Variants in NIPBL observed in about 807,000 individuals in gnomAD.
NIPBL encodes the protein nipped-B-like protein.
NIPBL carries 19 observed loss-of-function variants against 321.8 expected under a neutral mutation model. The ratio of observed to expected loss-of-function variants is 0.06; its 90% CI spans 0.04 to 0.09. The LOEUF (loss-of-function observed/expected upper bound fraction) is 0.09, where lower values mean the gene tolerates loss of function less well. Ranked by LOEUF, NIPBL falls within the 10% of genes least tolerant of loss-of-function variation. The pLI, the probability that NIPBL is intolerant of heterozygous loss-of-function variation, is 1.00. For synonymous variants in NIPBL, 1,106 were observed against 1,114.1 expected (o/e 0.99, Z 0.14); for missense variants, 2,210 against 3,327.0 (o/e 0.66, Z 8.26).
chr5:37,006,569 C>T lies in NIPBL; in HGVS notation c.4068C>T (p.Tyr1356=), dbSNP rs979590161. The part of the protein sequence containing the change: ...NTLYPQYDPV[Y]RLDPHGGGLL... ...TTTATCCTCAGTATGATCCTGTTTA[C>T]AGATTAGATCCTCATGGAGGTTAGT... is the stretch of plus-strand genomic sequence containing the variant. The change falls in exon 17 of 47, where the codon TAC becomes TAT. Residue 1356 remains tyrosine (Y), a synonymous_variant. Transcript: ENST00000282516. The T allele has an allele frequency of 6.2e-7, 1 of 1,602,854 alleles. No homozygotes were observed. The highest frequency in any genetic ancestry group is 1.3e-5 in the African/African-American group (1 of 74,610).
At chr5:37,028,837 G>C (rs1393732247) in intron 32 of NIPBL, among the ~76,000 whole-genome samples, 1 of 152,144 alleles carries the variant, frequency 6.6e-6, no homozygotes, top group Non-Finnish European at 1.5e-5. Flanking sequence ...TTGGTTTGCA[G>C]TTGCTTTGGT....
rs1404645410 is a variant in NIPBL at position 36,955,454 on chromosome 5, T to G, written c.65-18T>G. On this transcript the variant is annotated intron_variant, in intron 2 of 46. Transcript: ENST00000282516. ...TATAGTCACTCAATTTCTAATAATC[T>G]GATTTTATTCCAAATAGTCCTGAAC... 6.2e-7 allele frequency: 1 copy of G among 1,607,442 alleles called. No homozygotes were observed. Among genetic ancestry groups the G allele is most frequent in the African/African-American group, 1.3e-5 (1 of 74,794 alleles).
At chr5:37,000,739 GA>G in intron 12 of NIPBL, 77 bp from the exon 13 acceptor site, 2 of 1,392,448 alleles carry the variant, frequency 1.4e-6, no homozygotes, top group Non-Finnish European at 2.0e-6. Flanking sequence ...TAACGTTCAG[GA>G]AAAAAACTAG....
At chr5:37,035,236 A>T (rs1358413988) in intron 32 of NIPBL, among the ~76,000 whole-genome samples, 1 of 152,224 alleles carries the variant, frequency 6.6e-6, no homozygotes, top group Admixed American at 6.5e-5. Flanking sequence ...GTGCCACTGC[A>T]CTCCAGCCTG....
intron 34 of NIPBL, among the ~76,000 whole-genome samples, chr5:37,043,561 G>C (rs1341915995): frequency 6.6e-6 from 1 of 151,682 alleles, no homozygotes; most frequent in East Asian, 1.9e-4. Flanking sequence ...AATTAACCGG[G>C]TGTGGTATTA....
chr5:36,987,859 T>C (rs1175834382), intron 10 of NIPBL, among the ~76,000 whole-genome samples: 1 of 152,206 alleles, frequency 6.6e-6, no homozygotes, highest in Non-Finnish European at 1.5e-5. Flanking sequence ...AAAGAGGTTG[T>C]AGAATGTGGG....
At chr5:37,006,242 A>T in intron 16 of NIPBL, 115 bp from the exon 17 acceptor site, 1 of 698,930 alleles carries the variant, frequency 1.4e-6, no homozygotes, top group East Asian at 2.7e-5. Flanking sequence ...TTCTTAAAAG[A>T]ATTAACACAC....
At chr5:37,014,605 C>A in intron 21 of NIPBL, 78 bp from the exon 22 acceptor site, 6 of 845,186 alleles carry the variant, frequency 7.1e-6, no homozygotes, top group Middle Eastern at 2.4e-4. Flanking sequence ...TACCCCTCTT[C>A]AGTAATAACA....
chr5:36,969,820 C>A (rs2149618113), intron 6 of NIPBL, among the ~76,000 whole-genome samples: 1 of 152,258 alleles, frequency 6.6e-6, no homozygotes, highest in South Asian at 2.1e-4. Flanking sequence ...GGATATAGAA[C>A]AGTGGGAACT....
At position 37,045,125 on chromosome 5, in the gene NIPBL, G is replaced by T. The variant is rs185737095; in HGVS notation, c.6344-318G>T. Among the ~76,000 whole-genome samples, 878 of 152,312 alleles carry T rather than the reference G, an allele frequency of 5.8e-3. 4 individuals carry two copies. The highest frequency in any genetic ancestry group is 0.015 in the South Asian group (72 of 4,824). On this transcript the variant is annotated intron_variant, in intron 36 of 46. Transcript: ENST00000282516. Reference sequence around the variant, plus strand: ...CCAGCACTTTGGGAGGCCACGGCGGGTGGATTACCTGAGGTCGGGAGTTCG... The same window carrying T: ...CCAGCACTTTGGGAGGCCACGGCGGTTGGATTACCTGAGGTCGGGAGTTCG...
intron 43 of NIPBL, among the ~76,000 whole-genome samples, chr5:37,057,726 A>G (rs1222664533): frequency 6.6e-6 from 1 of 152,212 alleles, no homozygotes; most frequent in East Asian, 1.9e-4. Flanking sequence ...TAAACAGAAA[A>G]TTTATGACAC....
intron 1 of NIPBL, among the ~76,000 whole-genome samples, chr5:36,944,352 T>C (rs1333623607): frequency 1.3e-5 from 2 of 152,146 alleles, no homozygotes; most frequent in Non-Finnish European, 2.9e-5. Context: ...TTTTCTTGAT[T>C]GCTCTTTCAT....
intron 6 of NIPBL, among the ~76,000 whole-genome samples, chr5:36,963,762 C>G (rs1741895103): frequency 1.3e-5 from 2 of 152,082 alleles, no homozygotes; most frequent in Admixed American, 1.3e-4. Context: ...GCAGTCCAGC[C>G]TGGGTGACAG....
At chr5:36,999,019 T>G (rs1280356846) in intron 11 of NIPBL, among the ~76,000 whole-genome samples, 1 of 152,164 alleles carries the variant, frequency 6.6e-6, no homozygotes, top group Non-Finnish European at 1.5e-5. Context: ...CAAAATGACC[T>G]TTTCCTGCCA....
intron 36 of NIPBL, 122 bp from the exon 37 acceptor site, chr5:37,045,321 T>G (rs904797932): frequency 8.4e-6 from 6 of 710,704 alleles, no homozygotes; most frequent in Non-Finnish European, 1.2e-5. Flanking sequence ...GTCACTGCAC[T>G]CCAGCCTGGG....
chr5:37,058,936 A>G lies in NIPBL; in HGVS notation c.7456A>G (p.Lys2486Glu). The change falls in exon 44 of 47, where the codon AAG (lysine) becomes GAG (glutamate). Residue 2486 changes from lysine (K) to glutamate (E), a missense_variant. Lys to Glu is a moderately conservative substitution (Grantham distance 56). Transcript: ENST00000282516. ...GAAAGAGAGAAAATCATCACCTAGT[A>G]AGGAAAATGAGTCAAGCGACAGTGA... ...KRKERKSSPS[K>E]ENESSDSEEE... is the part of the protein sequence containing the mutation. The G allele has an allele frequency of 6.2e-7, 1 of 1,614,162 alleles. No homozygotes were observed. Among genetic ancestry groups the G allele is most frequent in the Non-Finnish European group, 8.5e-7 (1 of 1,180,020 alleles).
chr5:36,946,118 C>A (rs1739639798), intron 1 of NIPBL, among the ~76,000 whole-genome samples: 1 of 151,914 alleles, frequency 6.6e-6, no homozygotes, highest in Non-Finnish European at 1.5e-5. Context: ...GAAGGCTGAG[C>A]AAAGGGCAAG....
In NIPBL at chr5:37,012,165, C is replaced by CT. The variant is rs562532494; in HGVS notation, c.4560+1943dup. Among the ~76,000 whole-genome samples the CT allele has an allele frequency of 2.6e-4, 27 of 104,628 alleles. No homozygotes were observed. In the South Asian group the frequency reaches 8.1e-3, roughly 31 times the overall value. 68.6% of individuals were successfully genotyped at this position (104,628 alleles called of 152,430 possible). ...TTTTTTTTTTTTTTCTTTTTGTTTT[C>CT]TTTGAGACAGGGTCTCACTCTGTTG... On this transcript the variant is annotated intron_variant, in intron 21 of 46. Transcript: ENST00000282516.
chr5:36,927,875 C>T (rs377448575), intron 1 of NIPBL, among the ~76,000 whole-genome samples: 8 of 151,944 alleles, frequency 5.3e-5, no homozygotes, highest in East Asian at 1.9e-4. Flanking sequence ...GTAAAGGAGA[C>T]GGGTTTCGCC....
Sources: allele counts gnomAD v4.1 joint callset (sites outside exome capture counted in the v4.1 genomes callset), GRCh38; gene constraint gnomAD v4.1.1; transcripts MANE v1.5; gene names NCBI Gene and HGNC (gene_info 2026-07-23, HGNC 2026-07-21).